Variants in RAPGEF2 observed in about 807,000 individuals in gnomAD.
RAPGEF2 encodes PDZ domain containing guanine nucleotide exchange factor (GEF) 1.
A neutral mutation model predicts 186.7 loss-of-function variants in RAPGEF2; 54 were observed. The observed-to-expected ratio is 0.29, with a 90% confidence interval of 0.23 to 0.36. The LOEUF (loss-of-function observed/expected upper bound fraction) is 0.36, where lower values mean the gene tolerates loss of function less well. Among genes scored for constraint, RAPGEF2 ranks in the 10% least tolerant of loss-of-function variants. RAPGEF2 has a pLI of 1.00. For missense variants in RAPGEF2, 1,532 were observed against 2,045.0 expected (o/e 0.75, Z 4.84); for synonymous variants, 712 against 705.9 (o/e 1.01, Z -0.14).
chr4:159,325,655 C>T (rs955195523), intron 11 of RAPGEF2, among the ~76,000 whole-genome samples: 1 of 151,836 alleles, frequency 6.6e-6, no homozygotes, highest in East Asian at 1.9e-4. Flanking sequence ...TTAGCCAGAC[C>T]CTTTTGTTAG....
At chr4:159,288,743 G>A (rs1760818672) in intron 7 of RAPGEF2, among the ~76,000 whole-genome samples, 1 of 152,122 alleles carries the variant, frequency 6.6e-6, no homozygotes, top group South Asian at 2.1e-4. Flanking sequence ...GATTCTGAGT[G>A]CATGTTTTCT....
At position 159,241,186 on chromosome 4, in the gene RAPGEF2, G is replaced by T; in HGVS notation, c.358-15G>T. Reference sequence around the variant, plus strand: ...TGTGTTTGGAGAAATGAAATTTTGGGGGGTTTTATTTCAGGTGGACTATAT... The same window carrying T: ...TGTGTTTGGAGAAATGAAATTTTGGTGGGTTTTATTTCAGGTGGACTATAT... On this transcript the variant is annotated splice_polypyrimidine_tract_variant and intron_variant, in intron 5 of 29. Transcript: ENST00000691494. 2 of 1,477,672 alleles carry T rather than the reference G, an allele frequency of 1.4e-6. No homozygotes were observed. Among genetic ancestry groups the T allele is most frequent in the Non-Finnish European group, 1.8e-6 (2 of 1,114,920 alleles). 91.5% of individuals were successfully genotyped at this position (1,477,672 alleles called of 1,614,324 possible). A position where few individuals can be genotyped will look rare whatever the true frequency, so the allele number is the denominator to read the frequency against.
chr4:159,154,313 C>T (rs1743880275), intron 1 of RAPGEF2, among the ~76,000 whole-genome samples: 2 of 152,118 alleles, frequency 1.3e-5, no homozygotes, highest in South Asian at 4.1e-4. Flanking sequence ...GTAGAAAGGA[C>T]AGTAATAGTG....
chr4:159,124,365 C>T (rs1740048268), intron 1 of RAPGEF2, among the ~76,000 whole-genome samples: 1 of 151,386 alleles, frequency 6.6e-6, no homozygotes, highest in South Asian at 2.1e-4. Context: ...CATGTGAAAC[C>T]CCGTCTCTAC....
chr4:159,104,512 G>GAGAGAGAGAGAGAGGGAGAGAC (rs1183070234), intron 1 of RAPGEF2, among the ~76,000 whole-genome samples: 1 of 130,468 alleles, frequency 7.7e-6, no homozygotes, highest in Admixed American at 7.7e-5. Flanking sequence ...GAGAGAGAGA[G>GAGAGAGAGAGAGAGGGAGAGAC]AGAGAGAGAG....
chr4:159,235,663 T>C (rs898989151), intron 4 of RAPGEF2, among the ~76,000 whole-genome samples: 1 of 152,248 alleles, frequency 6.6e-6, no homozygotes, highest in Non-Finnish European at 1.5e-5. Context: ...CATCTTTATC[T>C]GTTGCCTTTA....
intron 17 of RAPGEF2, 92 bp downstream of exon 17, chr4:159,332,789 A>C: frequency 7.1e-7 from 1 of 1,418,316 alleles, no homozygotes; most frequent in Non-Finnish European, 9.5e-7. Context: ...CATGAGTCTG[A>C]AAACTGTTCT....
At chr4:159,300,537 G>T (rs116165903) in intron 7 of RAPGEF2, among the ~76,000 whole-genome samples, 1 of 151,878 alleles carries the variant, frequency 6.6e-6, no homozygotes, top group Admixed American at 6.6e-5. Flanking sequence ...AAATACATTG[G>T]TATTAAAAAT....
intron 1 of RAPGEF2, among the ~76,000 whole-genome samples, chr4:159,131,564 T>C (rs1307050469): frequency 1.3e-5 from 2 of 150,208 alleles, no homozygotes; most frequent in Non-Finnish European, 3.0e-5. Flanking sequence ...GCTGTTGTTG[T>C]TTTTGTTCAG....
At chr4:159,210,351 G>C in intron 3 of RAPGEF2, 149 bp from the exon 4 acceptor site, 1 of 535,072 alleles carries the variant, frequency 1.9e-6, no homozygotes, top group Non-Finnish European at 3.3e-6. Context: ...GATTTCAGTA[G>C]TTGAATAATG....
At chr4:159,241,071 CTAGA>C in intron 5 of RAPGEF2, 126 bp from the exon 6 acceptor site, 1 of 691,256 alleles carries the variant, frequency 1.4e-6, no homozygotes, top group Middle Eastern at 4.4e-4. Flanking sequence ...TGAAGTTTGT[CTAGA>C]TAGTTTTCTA....
At chr4:159,312,890 G>A (rs1764112988) in intron 8 of RAPGEF2, among the ~76,000 whole-genome samples, 2 of 152,190 alleles carry the variant, frequency 1.3e-5, no homozygotes, top group Admixed American at 1.3e-4. Flanking sequence ...GCTCATGCCT[G>A]TAATCACAGC....
At chr4:159,284,238 C>A (rs1228661027) in intron 7 of RAPGEF2, among the ~76,000 whole-genome samples, 1 of 152,104 alleles carries the variant, frequency 6.6e-6, no homozygotes. Context: ...CTTCGCCTAA[C>A]GTAGTAACAC....
Position 159,331,548 on chromosome 4 carries a change from G to C in RAPGEF2, c.1575+10G>C. On this transcript the variant is annotated intron_variant, in intron 14 of 29. Transcript: ENST00000691494. ...CAATCTGGAAAGAGAGGTAATATTT[G>C]TGGTTTTTTTTAAGATCAGCTTAAA... 6.2e-7 allele frequency: 1 copy of C among 1,611,154 alleles called. No individual in the cohort carries two copies. Among genetic ancestry groups the C allele is most frequent in the Admixed American group, 1.7e-5 (1 of 59,898 alleles).
At chr4:159,117,069 T>A (rs181528558) in intron 1 of RAPGEF2, among the ~76,000 whole-genome samples, 2 of 152,222 alleles carry the variant, frequency 1.3e-5, no homozygotes, top group African/African-American at 4.8e-5. Flanking sequence ...CTTATAGTTA[T>A]TGTATTGAAA....
chr4:159,198,789 AT>A (rs1322209206), intron 3 of RAPGEF2, among the ~76,000 whole-genome samples: 3 of 151,702 alleles, frequency 2.0e-5, no homozygotes. Context: ...GTTTTGAAGT[AT>A]TTTTCTGTCC....
At chr4:159,220,931 A>G (rs1751474940) in intron 4 of RAPGEF2, among the ~76,000 whole-genome samples, 1 of 152,218 alleles carries the variant, frequency 6.6e-6, no homozygotes, top group African/African-American at 2.4e-5. Context: ...ATAACTTTTC[A>G]GTAACCTACA....
At chr4:159,126,040 G>A (rs1255228379) in intron 1 of RAPGEF2, among the ~76,000 whole-genome samples, 1 of 152,154 alleles carries the variant, frequency 6.6e-6, no homozygotes, top group Non-Finnish European at 1.5e-5. Flanking sequence ...CTTCCCAATA[G>A]CAATGTTGCT....
At chr4:159,210,678 T>G (rs1331466949) in intron 4 of RAPGEF2, 95 bp downstream of exon 4, 1 of 905,140 alleles carries the variant, frequency 1.1e-6, no homozygotes, top group East Asian at 2.7e-5. Context: ...CTGTGTTCTC[T>G]TCTGCTGATA....
Sources: allele counts gnomAD v4.1 joint callset (sites outside exome capture counted in the v4.1 genomes callset), GRCh38; gene constraint gnomAD v4.1.1; transcripts MANE v1.5; gene names NCBI Gene and HGNC (gene_info 2026-07-23, HGNC 2026-07-21).